Variants in AGAP1 observed in about 807,000 individuals in gnomAD.
AGAP1 encodes arf-GAP with GTPase, ANK repeat and PH domain-containing protein 1.
Under a neutral mutation model 105.3 loss-of-function variants are expected in AGAP1, and 29 were observed. The observed-to-expected ratio is 0.28, with a 90% confidence interval of 0.21 to 0.38. The LOEUF (loss-of-function observed/expected upper bound fraction) is 0.38. AGAP1 is among the 10% of genes least tolerant of loss of function. The pLI is 1.00. For synonymous variants in AGAP1, 509 were observed against 485.9 expected, an observed-to-expected ratio of 1.05 and a Z score of -0.63; for missense variants, 998 against 1,165.1, an observed-to-expected ratio of 0.86 and a Z score of 2.09.
intron 13 of AGAP1, among the ~76,000 whole-genome samples, chr2:236,033,430 G>A (rs1314502462): frequency 6.6e-6 from 1 of 152,206 alleles, no homozygotes; most frequent in Non-Finnish European, 1.5e-5. Flanking sequence ...GAGCCAAACT[G>A]CGCTTTAGCA....
In AGAP1 at chr2:235,961,194, G is replaced by A. The variant is rs1021150189; in HGVS notation, c.1484-7268G>A. Among the ~76,000 whole-genome samples the A allele has an allele frequency of 1.3e-5, 2 of 152,200 alleles. No individual in the cohort carries two copies. Among genetic ancestry groups the A allele is most frequent in the Non-Finnish European group, 1.5e-5 (1 of 68,042 alleles). ...AGCATGTCATGTCCCCATGTGGAGA[G>A]AGCCACGGAGCACAGGGGGCCGGGA... On this transcript the variant is annotated intron_variant, in intron 12 of 17. Coordinates refer to ENST00000304032, the MANE Select transcript of AGAP1 (RefSeq NM_001037131.3). This position sits in a 1 kb window ranked among gnomAD's most constrained non-coding sequence, Gnocchi z 5.9.
At chr2:235,697,994 G>C (rs937904359) in intron 1 of AGAP1, among the ~76,000 whole-genome samples, 1 of 152,146 alleles carries the variant, frequency 6.6e-6, no homozygotes, top group African/African-American at 2.4e-5. Context: ...CAGTCTCCAA[G>C]CTTTTTTGGC....
intron 6 of AGAP1, among the ~76,000 whole-genome samples, chr2:235,755,547 TCTC>T (rs1387499260): frequency 6.6e-6 from 1 of 152,146 alleles, no homozygotes; most frequent in Non-Finnish European, 1.5e-5. Context: ...TTCAAGCAGT[TCTC>T]CTGCCTCTGC....
chr2:235,786,727 A>G (rs1956661656), intron 6 of AGAP1, among the ~76,000 whole-genome samples: 1 of 152,210 alleles, frequency 6.6e-6, no homozygotes, highest in Non-Finnish European at 1.5e-5. Context: ...GATCTCGTCT[A>G]GTTTCTTGTG....
intron 16 of AGAP1, among the ~76,000 whole-genome samples, chr2:236,057,066 T>C (rs2058070908): frequency 6.6e-6 from 1 of 152,208 alleles, no homozygotes; most frequent in African/African-American, 2.4e-5. Flanking sequence ...CTTATAGTAA[T>C]ATAAGTAATC....
intron 16 of AGAP1, among the ~76,000 whole-genome samples, chr2:236,067,118 A>G (rs2125780629): frequency 6.6e-6 from 1 of 151,838 alleles, no homozygotes; most frequent in South Asian, 2.1e-4. Context: ...TCAGAGTTCC[A>G]ACTCAGGTCA....
In AGAP1 at chr2:236,053,662, C is replaced by A. The variant is rs1286762932; in HGVS notation, c.2114+4381C>A. On this transcript the variant is annotated intron_variant, in intron 16 of 17. Transcript: ENST00000304032. This position sits in a 1 kb window ranked among gnomAD's most constrained non-coding sequence, Gnocchi z 4.6. ...TGTGTCCTGGTGTCAAAGCATTTGG[C>A]CCCCAAGGCCCTGCAGGGACTCGCT... 6.6e-6 allele frequency among the ~76,000 whole-genome samples: 1 copy of A among 152,228 alleles called. No individual in the cohort carries two copies. The highest frequency in any genetic ancestry group is 1.5e-5 in the Non-Finnish European group (1 of 68,036).
intron 16 of AGAP1, among the ~76,000 whole-genome samples, chr2:236,100,288 G>T (rs1559275175): frequency 1.3e-5 from 2 of 152,158 alleles, no homozygotes; most frequent in Admixed American, 1.3e-4. Flanking sequence ...GTCGATGGTA[G>T]AAAATAAAAC....
At chr2:235,760,155 C>T (rs13421871) in intron 6 of AGAP1, among the ~76,000 whole-genome samples, 13 of 152,180 alleles carry the variant, frequency 8.5e-5, no homozygotes, top group African/African-American at 2.6e-4. Flanking sequence ...CTGAGGCAGG[C>T]GAATTACCTG....
At chr2:235,955,261 C>T (rs1256832013) in intron 12 of AGAP1, among the ~76,000 whole-genome samples, 1 of 152,112 alleles carries the variant, frequency 6.6e-6, no homozygotes, top group Non-Finnish European at 1.5e-5. Flanking sequence ...CCTTCTTGTA[C>T]CCTGGGTGCG....
rs1961114939 is a variant in AGAP1 at position 235,843,567 on chromosome 2, C to T, written c.1050+36236C>T. Reference sequence around the variant, plus strand: ...CCTCCCTTCGTTCCCCATTTGCAGCCTCTAGGTGCCCTGTCTTGGCCAGCA... The same window carrying T: ...CCTCCCTTCGTTCCCCATTTGCAGCTTCTAGGTGCCCTGTCTTGGCCAGCA... On this transcript the variant is annotated intron_variant, in intron 9 of 17. Transcript: ENST00000304032. The surrounding 1 kb of genome is among the most constrained non-coding windows in gnomAD (Gnocchi z 5.9). Among the ~76,000 whole-genome samples, 1 of 152,142 alleles carries T rather than the reference C, an allele frequency of 6.6e-6. No homozygotes were observed. Among genetic ancestry groups the T allele is most frequent in the Non-Finnish European group, 1.5e-5 (1 of 68,030 alleles).
chr2:235,576,252 G>T (rs1944729006), intron 1 of AGAP1, among the ~76,000 whole-genome samples: 1 of 152,186 alleles, frequency 6.6e-6, no homozygotes, highest in African/African-American at 2.4e-5. Flanking sequence ...ATGAGTCTTT[G>T]TCCAGTTTGT....
intron 9 of AGAP1, among the ~76,000 whole-genome samples, chr2:235,831,147 T>C (rs1959317346): frequency 6.6e-6 from 1 of 151,052 alleles, no homozygotes; most frequent in African/African-American, 2.5e-5. Flanking sequence ...TTCGAGACTT[T>C]AACTAGATTG....
chr2:235,575,893 A>T (rs1450463869), intron 1 of AGAP1, among the ~76,000 whole-genome samples: 1 of 152,174 alleles, frequency 6.6e-6, no homozygotes, highest in African/African-American at 2.4e-5. Flanking sequence ...TGTCGACATC[A>T]GATAAGACAT....
In AGAP1 at chr2:235,681,644, T is replaced by C. The variant is rs187898210; in HGVS notation, c.164-27535T>C. Among the ~76,000 whole-genome samples, 3 of 152,322 alleles carry C rather than the reference T, an allele frequency of 2.0e-5. 1 individual carries two copies. The highest frequency in any genetic ancestry group is 2.0e-4 in the Admixed American group (3 of 15,300). On this transcript the variant is annotated intron_variant, in intron 1 of 17. Transcript: ENST00000304032. The stretch of plus-strand genomic sequence containing the variant: ...GGAATACAGTATGCACCTAAAAATA[T>C]AATACAGTTTTAATTTTCATCTGTA...
At position 235,705,166 on chromosome 2, in the gene AGAP1, A is replaced by G. The variant is rs1950479153; in HGVS notation, c.164-4013A>G. On this transcript the variant is annotated intron_variant, in intron 1 of 17. Coordinates refer to ENST00000304032, the MANE Select transcript of AGAP1 (RefSeq NM_001037131.3). The surrounding 1 kb of genome is among the most constrained non-coding windows in gnomAD (Gnocchi z 4.9). ...GCTAATTTTTGTATTTTTAGTAGAGACGAGGTTTCGCCATGTTGGCCAGGC... is the reference window on the plus strand; with the variant it reads ...GCTAATTTTTGTATTTTTAGTAGAGGCGAGGTTTCGCCATGTTGGCCAGGC... Among the ~76,000 whole-genome samples the G allele has an allele frequency of 6.6e-6, 1 of 151,598 alleles. No homozygotes were observed. Among genetic ancestry groups the G allele is most frequent in the Non-Finnish European group, 1.5e-5 (1 of 67,900 alleles).
Position 235,951,561 on chromosome 2 carries a change from T to C in AGAP1, c.1484-16901T>C, listed in dbSNP as rs950131764. 3.9e-5 allele frequency among the ~76,000 whole-genome samples: 6 copies of C among 152,208 alleles called. No homozygotes were observed. The highest frequency in any genetic ancestry group is 1.2e-4 in the African/African-American group (5 of 41,452). On this transcript the variant is annotated intron_variant, in intron 12 of 17. Transcript: ENST00000304032. The surrounding 1 kb of genome is among the most constrained non-coding windows in gnomAD (Gnocchi z 4.2). ...GATTGCCATGACCACATATTAATAG[T>C]TGCACTGAGAAACAGGCGTAAACAG...
chr2:235,686,708 A>G (rs1949468281), intron 1 of AGAP1, among the ~76,000 whole-genome samples: 1 of 137,346 alleles, frequency 7.3e-6, no homozygotes, highest in Admixed American at 7.8e-5. Flanking sequence ...GAAGCCCAGG[A>G]TGGAGCGCAG....
Position 236,078,049 on chromosome 2 carries a change from G to GTGTGTGTT in AGAP1, c.2114+28775_2114+28776insTTGTGTGT, listed in dbSNP as rs1341538280. Among the ~76,000 whole-genome samples the GTGTGTGTT allele has an allele frequency of 6.8e-6, 1 of 146,480 alleles. No individual in the cohort carries two copies. Among genetic ancestry groups the GTGTGTGTT allele is most frequent in the Admixed American group, 7.0e-5 (1 of 14,328 alleles). ...AGAAACAACCAATTTGTGTGTGTGT[G>GTGTGTGTT]TGTGTGTGTGTGTGTGTGTGTGTGT... On this transcript the variant is annotated intron_variant, in intron 16 of 17. Coordinates refer to ENST00000304032, the MANE Select transcript of AGAP1 (RefSeq NM_001037131.3). The surrounding 1 kb of genome is among the most constrained non-coding windows in gnomAD (Gnocchi z 5.3).
Sources: allele counts gnomAD v4.1 joint callset (sites outside exome capture counted in the v4.1 genomes callset), GRCh38; gene constraint gnomAD v4.1.1; non-coding constraint Gnocchi (gnomAD v3.1); transcripts MANE v1.5; gene names NCBI Gene and HGNC (gene_info 2026-07-23, HGNC 2026-07-21).